Variants in CDK6 observed in about 807,000 individuals in gnomAD.
CDK6 encodes cyclin-dependent kinase 6.
In CDK6, 6 loss-of-function variants were observed where a neutral mutation model predicts 37.1. That is an observed-to-expected ratio of 0.16 (90% CI 0.09 to 0.32). The LOEUF is 0.32. CDK6 is among the 10% of genes least tolerant of loss of function. CDK6 has a pLI of 1.00. For missense variants in CDK6, 224 were observed against 418.9 expected (o/e 0.53, Z 4.06); for synonymous variants, 160 against 161.3 (o/e 0.99, Z 0.06).
chr7:92,812,757 T>C lies in CDK6; in HGVS notation c.233+20334A>G, dbSNP rs185725646. Among the ~76,000 whole-genome samples, 3 of 152,314 alleles carry C rather than the reference T, an allele frequency of 2.0e-5. No individual in the cohort carries two copies. The East Asian group carries it at 5.8e-4, about 29-fold the overall frequency. On this transcript the variant is annotated intron_variant, in intron 2 of 7. Transcript: ENST00000424848. ...CAAACTTTTTAAGATGACAGCACAG[T>C]ACCTTTCACAAGGATATCATATATT... is the stretch of plus-strand genomic sequence containing the variant.
intron 3 of CDK6, among the ~76,000 whole-genome samples, chr7:92,738,142 T>C (rs1408819590): frequency 7.2e-5 from 11 of 152,076 alleles, no homozygotes; most frequent in Admixed American, 5.9e-4. Flanking sequence ...AGGAGGACCA[T>C]GTACTCCTCA....
intron 5 of CDK6, among the ~76,000 whole-genome samples, chr7:92,667,800 C>T (rs746767003): frequency 3.9e-5 from 6 of 152,206 alleles, no homozygotes; most frequent in Admixed American, 6.5e-5. Flanking sequence ...AATCCACCTG[C>T]TTCAGCCTCC....
In CDK6 at chr7:92,607,846, T is replaced by C. The variant is rs1000761581; in HGVS notation, c.*7294A>G. 2 of 233,330 alleles carry C rather than the reference T, an allele frequency of 8.6e-6. No individual in the cohort carries two copies. The highest frequency in any genetic ancestry group is 8.5e-6 in the Non-Finnish European group (1 of 117,936). 14.5% of individuals were successfully genotyped at this position (233,330 alleles called of 1,614,324 possible). Reference sequence around the variant, plus strand: ...ATGAATAAAAAGTGAGGAACTATGATATACATGTGTATATTTTTGCAAACA... The same window carrying C: ...ATGAATAAAAAGTGAGGAACTATGACATACATGTGTATATTTTTGCAAACA... On this transcript the variant is annotated 3_prime_UTR_variant, in exon 8 of 8. Coordinates refer to ENST00000424848, the MANE Select transcript of CDK6 (RefSeq NM_001145306.2).
chr7:92,803,136 T>C (rs983859980), intron 2 of CDK6, among the ~76,000 whole-genome samples: 5 of 152,220 alleles, frequency 3.3e-5, no homozygotes, highest in African/African-American at 9.6e-5. Flanking sequence ...TTCAATGACA[T>C]TTTTAAAGAA....
rs144519668 is a variant in CDK6 at position 92,742,329 on chromosome 7, C to G, written c.370-16536G>C. ...GCTTCTGTTCTTCTGTTATGTTTGT[C>G]AGAATCAGCACACAGCACCTTTCAA... On this transcript the variant is annotated intron_variant, in intron 3 of 7. Coordinates refer to ENST00000424848, the MANE Select transcript of CDK6 (RefSeq NM_001145306.2). 7.0e-4 allele frequency among the ~76,000 whole-genome samples: 107 copies of G among 152,248 alleles called. 1 individual carries two copies. The highest frequency in any genetic ancestry group is 2.3e-3 in the African/African-American group (97 of 41,548).
chr7:92,829,573 G>A lies in CDK6; in HGVS notation c.233+3518C>T, dbSNP rs574781477. On this transcript the variant is annotated intron_variant, in intron 2 of 7. Coordinates refer to ENST00000424848, the MANE Select transcript of CDK6 (RefSeq NM_001145306.2). ...ATCTTTCCCAGCACCTAGCCCCATG[G>A]TTTTTAAAGCATATGCCCTTCCTAA... Among the ~76,000 whole-genome samples the A allele has an allele frequency of 2.6e-5, 4 of 152,238 alleles. No individual in the cohort carries two copies. The South Asian group carries it at 8.3e-4, about 32-fold the overall frequency.
chr7:92,662,638 A>G (rs984930459), intron 5 of CDK6, among the ~76,000 whole-genome samples: 1 of 152,156 alleles, frequency 6.6e-6, no homozygotes, highest in African/African-American at 2.4e-5. Context: ...GGAGAGTGCA[A>G]GCTGAGTGAT....
intron 2 of CDK6, among the ~76,000 whole-genome samples, chr7:92,789,025 C>T (rs1470703247): frequency 6.6e-6 from 1 of 151,906 alleles, no homozygotes; most frequent in African/African-American, 2.4e-5. Flanking sequence ...ACTCAGGAGG[C>T]TGAGACAGAA....
intron 4 of CDK6, among the ~76,000 whole-genome samples, chr7:92,673,966 G>C (rs1328000960): frequency 6.6e-6 from 1 of 151,922 alleles, no homozygotes; most frequent in Non-Finnish European, 1.5e-5. Context: ...TTTTAGTAGA[G>C]ACGGGGTTTC....
chr7:92,790,656 A>C (rs1019058950), intron 2 of CDK6, among the ~76,000 whole-genome samples: 18 of 152,346 alleles, frequency 1.2e-4, no homozygotes, highest in African/African-American at 3.8e-4. Flanking sequence ...ACAGATACAC[A>C]TAAGTGTATA....
intron 2 of CDK6, among the ~76,000 whole-genome samples, chr7:92,807,138 C>A (rs1451889163): frequency 6.6e-6 from 1 of 152,140 alleles, no homozygotes; most frequent in Non-Finnish European, 1.5e-5. Context: ...TCTTGAGAGC[C>A]TCTAGATCCA....
At chr7:92,675,044 G>T (rs573229708) in intron 4 of CDK6, among the ~76,000 whole-genome samples, 2 of 152,198 alleles carry the variant, frequency 1.3e-5, no homozygotes, top group Admixed American at 1.3e-4. Flanking sequence ...ATGTTGGCCA[G>T]GCTGGTCATG....
At chr7:92,782,264 C>A (rs1454532718) in intron 2 of CDK6, among the ~76,000 whole-genome samples, 1 of 152,152 alleles carries the variant, frequency 6.6e-6, no homozygotes, top group East Asian at 1.9e-4. Context: ...ACACTATGTA[C>A]AACTTTATAT....
chr7:92,688,164 A>C (rs1797507674), intron 4 of CDK6, among the ~76,000 whole-genome samples: 1 of 152,200 alleles, frequency 6.6e-6, no homozygotes, highest in Non-Finnish European at 1.5e-5. Flanking sequence ...AACGTTTAGT[A>C]GATACTACCA....
intron 2 of CDK6, among the ~76,000 whole-genome samples, chr7:92,783,909 A>C (rs1246563365): frequency 6.6e-6 from 1 of 152,172 alleles, no homozygotes; most frequent in African/African-American, 2.4e-5. Flanking sequence ...CTGGACATTA[A>C]ATAATAGAAT....
chr7:92,718,739 AGCCTAG>A (rs1241105870), intron 4 of CDK6, among the ~76,000 whole-genome samples: 2 of 152,218 alleles, frequency 1.3e-5, no homozygotes, highest in Non-Finnish European at 2.9e-5. Flanking sequence ...CCTGGCCCTT[AGCCTAG>A]GCAGGTTCTT....
chr7:92,699,833 G>C (rs571607776), intron 4 of CDK6, among the ~76,000 whole-genome samples: 5 of 152,282 alleles, frequency 3.3e-5, no homozygotes, highest in Admixed American at 3.3e-4. Context: ...TAAAAGCCTG[G>C]ATTCAAATCC....
intron 3 of CDK6, among the ~76,000 whole-genome samples, chr7:92,766,707 G>A (rs759493059): frequency 3.3e-5 from 5 of 152,162 alleles, no homozygotes; most frequent in Admixed American, 6.5e-5. Context: ...TTCCTTCTAC[G>A]CAGAAGAGCA....
chr7:92,809,071 T>C (rs1261850280), intron 2 of CDK6, among the ~76,000 whole-genome samples: 5 of 152,216 alleles, frequency 3.3e-5, no homozygotes, highest in Admixed American at 3.3e-4. Flanking sequence ...ACTATAGCTA[T>C]TTCCTTCACT....
Sources: gnomAD v4.1 joint callset for allele counts (sites outside exome capture counted in the v4.1 genomes callset) on GRCh38, gnomAD v4.1.1 for gene constraint, MANE v1.5 for transcripts, NCBI Gene and HGNC (gene_info 2026-07-23, HGNC 2026-07-21) for gene names.